Variants in ITPK1 observed in about 807,000 individuals in gnomAD.
The protein encoded by ITPK1 is inositol 1,3,4-trisphosphate 5/6-kinase.
Under a neutral mutation model 45.3 loss-of-function variants are expected in ITPK1, and 21 were observed. The observed-to-expected ratio is 0.46, with a 90% CI of 0.33 to 0.67. ITPK1 has a LOEUF of 0.67. Ranked by LOEUF, ITPK1 falls within the 30% of genes least tolerant of loss-of-function variation. The probability of loss-of-function intolerance (pLI) is 0.02; values close to 1 mark genes in which losing one functional copy is unlikely to be tolerated. For synonymous variants in ITPK1, 258 were observed against 253.6 expected (o/e 1.02, Z -0.16); for missense variants, 474 against 573.5 (o/e 0.83, Z 1.77).
At position 92,958,679 on chromosome 14, in the gene ITPK1, G is replaced by C. The variant is rs1884882976; in HGVS notation, c.505-313C>G. Among the ~76,000 whole-genome samples, 1 of 152,216 alleles carries C rather than the reference G, an allele frequency of 6.6e-6. No individual in the cohort carries two copies. Among genetic ancestry groups the C allele is most frequent in the African/African-American group, 2.4e-5 (1 of 41,458 alleles). ...ACTTGTCGCACTGTGGTCCAGGGAA[G>C]GGGGCCGCTGAGGTTGTGTGCTGCT... On this transcript the variant is annotated intron_variant, in intron 7 of 10. Transcript: ENST00000267615. The surrounding 1 kb of genome is among the most constrained non-coding windows in gnomAD (Gnocchi z 4.4).
At chr14:93,023,593 G>A (rs969123372) in intron 3 of ITPK1, among the ~76,000 whole-genome samples, 22 of 152,302 alleles carry the variant, frequency 1.4e-4, no homozygotes, top group African/African-American at 4.8e-4. Flanking sequence ...AAGGAAGGAT[G>A]GAAGGGAAGG....
chr14:93,104,441 G>A (rs1020104841), intron 2 of ITPK1, among the ~76,000 whole-genome samples: 1 of 148,412 alleles, frequency 6.7e-6, no homozygotes, highest in African/African-American at 2.6e-5. Flanking sequence ...CGGCCTGGGT[G>A]ACAATAGCGA....
At chr14:92,941,966 G>C (rs1887449383) in intron 10 of ITPK1, 62 bp from the exon 11 acceptor site, 18 of 1,428,828 alleles carry the variant, frequency 1.3e-5, no homozygotes, top group Non-Finnish European at 1.7e-5. Context: ...ATGCAGGGAG[G>C]AGGAGGAGGA....
At chr14:92,982,604 G>A (rs1278384544) in intron 5 of ITPK1, among the ~76,000 whole-genome samples, 3 of 152,136 alleles carry the variant, frequency 2.0e-5, no homozygotes, top group African/African-American at 7.2e-5. Flanking sequence ...ATTTCAGCCC[G>A]TGACACCCTG....
intron 3 of ITPK1, among the ~76,000 whole-genome samples, chr14:93,055,103 A>G (rs1890167764): frequency 6.6e-6 from 1 of 152,170 alleles, no homozygotes; most frequent in Non-Finnish European, 1.5e-5. Context: ...ATCTTTGGCC[A>G]CGTTTCATGC....
At chr14:92,994,044 G>A in intron 4 of ITPK1, 47 bp from the exon 5 acceptor site, 2 of 1,257,410 alleles carry the variant, frequency 1.6e-6, no homozygotes, top group Non-Finnish European at 2.3e-6. Flanking sequence ...GTAGGGCCAG[G>A]TAGCAACTCA....
Position 93,076,635 on chromosome 14 carries a change from A to G in ITPK1, c.96-16T>C. 1 of 1,614,120 alleles carries G rather than the reference A, an allele frequency of 6.2e-7. No homozygotes were observed. Among genetic ancestry groups the G allele is most frequent in the Non-Finnish European group, 8.5e-7 (1 of 1,180,000 alleles). ...CCCTCGCTTCCTGTGGAGAAAAACA[A>G]AGAAAACAAGCGTTACTCCAGCAGG... is the stretch of plus-strand genomic sequence containing the variant. On this transcript the variant is annotated splice_polypyrimidine_tract_variant and intron_variant, in intron 2 of 10. Transcript: ENST00000267615. This position sits in a 1 kb window ranked among gnomAD's most constrained non-coding sequence, Gnocchi z 4.3.
chr14:92,942,835 C>T (rs749487672), intron 10 of ITPK1, among the ~76,000 whole-genome samples: 98 of 152,348 alleles, frequency 6.4e-4, no homozygotes, highest in Non-Finnish European at 9.3e-4. Context: ...GGGCAAGCGC[C>T]CTGCCTGCCT....
intron 2 of ITPK1, among the ~76,000 whole-genome samples, chr14:93,089,653 T>C (rs1338808900): frequency 6.6e-6 from 1 of 152,120 alleles, no homozygotes; most frequent in South Asian, 2.1e-4. Flanking sequence ...GAGAATGGTA[T>C]GTCAGCTGGG....
chr14:92,943,956 A>G (rs542382923), intron 10 of ITPK1, among the ~76,000 whole-genome samples: 151 of 152,312 alleles, frequency 9.9e-4, no homozygotes, highest in African/African-American at 3.4e-3. Flanking sequence ...GGCCCCATCC[A>G]GCTCCACCAC....
intron 3 of ITPK1, among the ~76,000 whole-genome samples, chr14:93,055,153 C>T (rs1486131235): frequency 6.6e-6 from 1 of 152,170 alleles, no homozygotes; most frequent in Non-Finnish European, 1.5e-5. Context: ...CTGCTGTATT[C>T]GATACAACTC....
chr14:93,114,291 G>A (rs1039340580), intron 2 of ITPK1, among the ~76,000 whole-genome samples: 2 of 152,204 alleles, frequency 1.3e-5, no homozygotes, highest in African/African-American at 4.8e-5. Flanking sequence ...GTTAAACACC[G>A]GAGACTCCGC....
intron 2 of ITPK1, among the ~76,000 whole-genome samples, chr14:93,078,019 C>T (rs1053548476): frequency 4.6e-5 from 7 of 152,208 alleles, no homozygotes; most frequent in African/African-American, 1.7e-4. Flanking sequence ...CTATGCCAAA[C>T]TTTAAAGCTA....
chr14:93,087,253 C>T (rs899923624), intron 2 of ITPK1, among the ~76,000 whole-genome samples: 2 of 152,246 alleles, frequency 1.3e-5, no homozygotes, highest in Non-Finnish European at 1.5e-5. Context: ...CCAACCTCTG[C>T]TTCCACTGTC....
chr14:93,010,459 C>G (rs976502185), intron 4 of ITPK1, among the ~76,000 whole-genome samples: 4 of 152,230 alleles, frequency 2.6e-5, no homozygotes, highest in Non-Finnish European at 1.5e-5. Context: ...CTGTGCCATC[C>G]TGCACCTTCC....
intron 2 of ITPK1, among the ~76,000 whole-genome samples, chr14:93,109,775 G>A (rs1170957418): frequency 6.6e-6 from 1 of 152,156 alleles, no homozygotes; most frequent in African/African-American, 2.4e-5. Context: ...TATGCCCACT[G>A]AACAGTTTCA....
At chr14:92,989,962 C>A (rs990522238) in intron 5 of ITPK1, among the ~76,000 whole-genome samples, 2 of 152,118 alleles carry the variant, frequency 1.3e-5, no homozygotes, top group African/African-American at 4.8e-5. Flanking sequence ...GAGGCCAAAC[C>A]CCCAGCCAGA....
At chr14:93,009,305 C>T (rs1887774222) in intron 4 of ITPK1, among the ~76,000 whole-genome samples, 1 of 152,186 alleles carries the variant, frequency 6.6e-6, no homozygotes. Flanking sequence ...TCAACATGCC[C>T]CCAGACCTTG....
chr14:92,982,179 TG>T (rs967165348), intron 5 of ITPK1, among the ~76,000 whole-genome samples: 2 of 152,348 alleles, frequency 1.3e-5, no homozygotes, highest in Admixed American at 1.3e-4. Flanking sequence ...TTACTCAGTG[TG>T]GCAGGCAGAA....
Sources: gnomAD v4.1 joint callset for allele counts (sites outside exome capture counted in the v4.1 genomes callset) on GRCh38, gnomAD v4.1.1 for gene constraint, Gnocchi (gnomAD v3.1) non-coding constraint, MANE v1.5 for transcripts, NCBI Gene and HGNC (gene_info 2026-07-23, HGNC 2026-07-21) for gene names.